Variants in MORN3 observed in about 807,000 individuals in gnomAD.
MORN3 encodes the protein MORN repeat containing 3.
In MORN3, 38 loss-of-function variants were observed where a neutral mutation model predicts 34.7. The observed-to-expected ratio is 1.10, with a 90% CI of 0.85 to 1.44. The LOEUF (loss-of-function observed/expected upper bound fraction) is 1.44, where lower values mean the gene tolerates loss of function less well. MORN3 is among the 40% of genes most tolerant of loss of function. The pLI, the probability that MORN3 is intolerant of heterozygous loss-of-function variation, is 0.00. For missense variants in MORN3, 311 were observed against 321.7 expected (o/e 0.97, Z 0.25); for synonymous variants, 109 against 115.3 (o/e 0.95, Z 0.35).
At chr12:121,669,278 G>A in intron 1 of MORN3, 61 bp downstream of exon 1, 1 of 1,598,144 alleles carries the variant, frequency 6.3e-7, no homozygotes. Context: ...TGCCTTCCTG[G>A]CCCTGTTGCC....
upstream of MORN3, among the ~76,000 whole-genome samples, chr12:121,670,640 C>T (rs997666236): frequency 6.6e-6 from 1 of 150,718 alleles, no homozygotes; most frequent in Non-Finnish European, 1.5e-5. Context: ...GAACCCTTGT[C>T]TCTACTAAAA....
chr12:121,671,990 T>TATTA (rs963677861), upstream of MORN3, among the ~76,000 whole-genome samples: 1 of 152,166 alleles, frequency 6.6e-6, no homozygotes, highest in Non-Finnish European at 1.5e-5. Context: ...CAGACTCTAA[T>TATTA]AACTTTCTTA....
intron 1 of MORN3, among the ~76,000 whole-genome samples, chr12:121,660,510 C>G (rs1893550471): frequency 1.3e-5 from 2 of 150,922 alleles, no homozygotes; most frequent in Admixed American, 1.3e-4. Context: ...GCCACCATGC[C>G]CAGCTAATTT....
Position 121,669,432 on chromosome 12 carries a change from C to A in MORN3, c.52G>T (p.Asp18Tyr). 1 of 1,614,108 alleles carries A rather than the reference C, an allele frequency of 6.2e-7. No individual in the cohort carries two copies. Among genetic ancestry groups the A allele is most frequent in the Non-Finnish European group, 8.5e-7 (1 of 1,179,962 alleles). Reference sequence around the variant, plus strand: ...AGGCCGTTCCTCTGGGCCTTCCGGTCCCACCCCTTCCACAGGGACTCCGAC... The same window carrying A: ...AGGCCGTTCCTCTGGGCCTTCCGGTACCACCCCTTCCACAGGGACTCCGAC... ...KKSESLWKGWDRKAQRNGLRS... is the reference protein window; with the variant it reads ...KKSESLWKGWYRKAQRNGLRS... Residue 18 changes from aspartate (D) to tyrosine (Y), a missense_variant, in exon 1 of 6, where the codon GAC becomes TAC. Asp to Tyr is a radical substitution (Grantham distance 160). Transcript: ENST00000355329.
At chr12:121,666,952 C>CTTTTTTTTT (rs376062157) in intron 1 of MORN3, among the ~76,000 whole-genome samples, 2 of 108,170 alleles carry the variant, frequency 1.8e-5, no homozygotes, top group Non-Finnish European at 3.8e-5. Context: ...CCCACAACCT[C>CTTTTTTTTT]TTTTTTTTTT....
At chr12:121,660,160 G>C (rs1893535187) in intron 1 of MORN3, among the ~76,000 whole-genome samples, 1 of 151,146 alleles carries the variant, frequency 6.6e-6, no homozygotes, top group African/African-American at 2.4e-5. Context: ...CTTGAACCTG[G>C]GAGGCGTGGG....
At chr12:121,656,520 A>T (rs1893422042) in intron 2 of MORN3, among the ~76,000 whole-genome samples, 1 of 151,694 alleles carries the variant, frequency 6.6e-6, no homozygotes, top group Non-Finnish European at 1.5e-5. Flanking sequence ...TTATTTATTT[A>T]TTTATTTATT....
chr12:121,660,803 G>A (rs1893560175), intron 1 of MORN3, among the ~76,000 whole-genome samples: 1 of 151,658 alleles, frequency 6.6e-6, no homozygotes, highest in Non-Finnish European at 1.5e-5. Flanking sequence ...CAAGTAGCTG[G>A]GATTACAGGA....
At chr12:121,667,077 C>T (rs1174214412) in intron 1 of MORN3, among the ~76,000 whole-genome samples, 1 of 150,102 alleles carries the variant, frequency 6.7e-6, no homozygotes, top group Non-Finnish European at 1.5e-5. Flanking sequence ...TCTCTTATCT[C>T]AGCCTCCCAA....
At position 121,669,439 on chromosome 12, in the gene MORN3, C is replaced by T; in HGVS notation, c.45G>A (p.Lys15=). ...TCCTCTGGGCCTTCCGGTCCCACCC[C>T]TTCCACAGGGACTCCGACTTTTTTG... ...KCPKKSESLW[K]GWDRKAQRNG... The change falls in exon 1 of 6, where the codon AAG becomes AAA. Residue 15 remains lysine, a synonymous_variant. Coordinates refer to ENST00000355329, the MANE Select transcript of MORN3 (RefSeq NM_173855.5). 1 of 1,614,108 alleles carries T rather than the reference C, an allele frequency of 6.2e-7. No individual in the cohort carries two copies. Among genetic ancestry groups the T allele is most frequent in the Non-Finnish European group, 8.5e-7 (1 of 1,179,950 alleles).
chr12:121,664,829 C>T (rs1893690596), intron 1 of MORN3, among the ~76,000 whole-genome samples: 1 of 124,576 alleles, frequency 8.0e-6, no homozygotes, highest in Admixed American at 9.5e-5. Flanking sequence ...GCAGGACAGG[C>T]GAAAACAACC....
chr12:121,657,198 C>T (rs185278918), intron 2 of MORN3, among the ~76,000 whole-genome samples: 4 of 152,252 alleles, frequency 2.6e-5, no homozygotes, highest in Admixed American at 2.0e-4. Flanking sequence ...TCCCGAAGAC[C>T]TCCTTCTTGC....
At chr12:121,671,876 G>A (rs561028215), upstream of MORN3, among the ~76,000 whole-genome samples, 1 of 113,532 alleles carries the variant, frequency 8.8e-6, no homozygotes, top group African/African-American at 4.3e-5. Flanking sequence ...GTGAAACTCC[G>A]TCTCAAAAAA....
chr12:121,652,796 C>G lies in MORN3; in HGVS notation c.661G>C (p.Asp221His), dbSNP rs1473574032. Reference sequence around the variant, plus strand: ...GCCTCCGCCAGCACACCATCAGGGTCTAGGATTTTGACCTGGAGGGAAATA... The same window carrying G: ...GCCTCCGCCAGCACACCATCAGGGTGTAGGATTTTGACCTGGAGGGAAATA... ...QFPIPEVKIL[D>H]PDGVLAEALA... is the part of the protein sequence containing the mutation. Residue 221 changes from aspartate to histidine, a missense_variant, in exon 5 of 6, where the codon GAC becomes CAC. Physicochemically the swap from Asp to His is moderately conservative, Grantham distance 81. Transcript: ENST00000355329. The G allele has an allele frequency of 9.3e-6, 15 of 1,614,118 alleles. No homozygotes were observed. Among genetic ancestry groups the G allele is most frequent in the Non-Finnish European group, 1.1e-5 (13 of 1,180,046 alleles).
intron 2 of MORN3, among the ~76,000 whole-genome samples, chr12:121,656,036 C>T (rs1399980081): frequency 2.0e-5 from 3 of 151,912 alleles, no homozygotes; most frequent in Non-Finnish European, 4.4e-5. Context: ...TCTCAAAAAA[C>T]AAAAAACACC....
chr12:121,653,111 G>A lies in MORN3; in HGVS notation c.612C>T (p.Asp204=), dbSNP rs781934140. The part of the protein sequence containing the change: ...KCGTMIDFGR[D]EAPEPTQFPI... ...GGAACTGAGTGGGCTCAGGGGCCTC[G>A]TCACGGCCAAAGTCGATCATCGTCC... The change falls in exon 4 of 6, where the codon GAC becomes GAT. Residue 204 remains aspartate (D), a synonymous_variant. Transcript: ENST00000355329. 7 of 1,613,822 alleles carry A rather than the reference G, an allele frequency of 4.3e-6. No individual in the cohort carries two copies. Among genetic ancestry groups the A allele is most frequent in the African/African-American group, 1.3e-5 (1 of 75,046 alleles).
At position 121,669,510 on chromosome 12, in the gene MORN3, G is replaced by A; in HGVS notation, c.-27C>T. Reference sequence around the variant, plus strand: ...GTGGCTGCTTCTGCAAGGCTGGAGGGTGCTGGAAAGGGGTTAGGGACATCT... The same window carrying A: ...GTGGCTGCTTCTGCAAGGCTGGAGGATGCTGGAAAGGGGTTAGGGACATCT... On this transcript the variant is annotated 5_prime_UTR_variant, in exon 1 of 6. Coordinates refer to ENST00000355329, the MANE Select transcript of MORN3 (RefSeq NM_173855.5). 1 of 1,611,792 alleles carries A rather than the reference G, an allele frequency of 6.2e-7. No individual in the cohort carries two copies. The highest frequency in any genetic ancestry group is 8.5e-7 in the Non-Finnish European group (1 of 1,178,638).
chr12:121,658,326 G>T (rs1470819683), intron 2 of MORN3, among the ~76,000 whole-genome samples: 1 of 152,098 alleles, frequency 6.6e-6, no homozygotes, highest in African/African-American at 2.4e-5. Context: ...CAGCACTTTG[G>T]AAGGCCGAGG....
At chr12:121,664,854 T>C (rs897996896) in intron 1 of MORN3, among the ~76,000 whole-genome samples, 2 of 148,674 alleles carry the variant, frequency 1.3e-5, no homozygotes, top group Non-Finnish European at 3.0e-5. Flanking sequence ...TTTTTTTTTT[T>C]TTTTGTAGCC....
Sources: gnomAD v4.1 joint callset for allele counts (sites outside exome capture counted in the v4.1 genomes callset) on GRCh38, gnomAD v4.1.1 for gene constraint, MANE v1.5 for transcripts, NCBI Gene and HGNC (gene_info 2026-07-23, HGNC 2026-07-21) for gene names.